The following DIPK2B variants were observed in gnomAD, a reference collection of about 807,000 sequenced individuals.
DIPK2B encodes the protein UPF0672 protein CXorf36.
Under a neutral mutation model 22.2 loss-of-function variants are expected in DIPK2B, and 15 were observed. The observed-to-expected ratio is 0.68, with a 90% confidence interval of 0.45 to 1.04. DIPK2B has a LOEUF of 1.04. DIPK2B is among the 50% of genes least tolerant of loss of function. The pLI, the probability that DIPK2B is intolerant of heterozygous loss-of-function variation, is 0.00. For synonymous variants in DIPK2B, 163 were observed against 153.2 expected, an observed-to-expected ratio of 1.06 and a Z score of -0.47; for missense variants, 345 against 348.3, an observed-to-expected ratio of 0.99 and a Z score of 0.08.
At chrX:45,178,572 G>C (rs1371701097) in intron 2 of DIPK2B, among the ~76,000 whole-genome samples, 4 of 111,655 alleles carry the variant, frequency 3.6e-5, no homozygotes, top group Non-Finnish European at 7.5e-5. Context: ...CTTTTTCCCT[G>C]AGAGCATTTT....
rs1460318852 is a variant in DIPK2B, at chrX:45,191,871, G to A, written c.378C>T (p.Asp126=). Residue 126 remains aspartate, a synonymous_variant, in exon 2 of 5, where the codon GAC becomes GAT. Transcript: ENST00000398000. ...LVSKYQNEIS[D]RRICASASAP... Reference sequence around the variant, plus strand: ...CTGATGCAGAGGCACAGATTCTCCTGTCTGAGATCTCGTTTTGATATTTGC... The same window carrying A: ...CTGATGCAGAGGCACAGATTCTCCTATCTGAGATCTCGTTTTGATATTTGC... 5.8e-6 allele frequency: 7 copies of A among 1,210,517 alleles called. No homozygotes were observed. Among genetic ancestry groups the A allele is most frequent in the Non-Finnish European group, 7.8e-6 (7 of 895,342 alleles).
At chrX:45,167,852 G>A (rs2047057387) in intron 2 of DIPK2B, among the ~76,000 whole-genome samples, 1 of 111,853 alleles carries the variant, frequency 8.9e-6, no homozygotes, top group Non-Finnish European at 1.9e-5. Flanking sequence ...GCCTGGCTAA[G>A]TTTTGTATTT....
chrX:45,169,522 G>C (rs1437452352), intron 2 of DIPK2B, among the ~76,000 whole-genome samples: 3 of 111,186 alleles, frequency 2.7e-5, no homozygotes, highest in Non-Finnish European at 3.8e-5. Flanking sequence ...CCTCCAGCTG[G>C]CCCAGGCTGG....
chrX:45,155,383 A>AC (rs2046987622), intron 3 of DIPK2B, among the ~76,000 whole-genome samples: 1 of 108,082 alleles, frequency 9.3e-6, no homozygotes, highest in Non-Finnish European at 1.9e-5. Flanking sequence ...AGATCGTGCC[A>AC]CTGCATTCCA....
intron 3 of DIPK2B, 135 bp from the exon 4 acceptor site, chrX:45,154,333 C>A (rs375190460): frequency 1.9e-6 from 1 of 539,040 alleles, no homozygotes; most frequent in African/African-American, 2.5e-5. Context: ...CTATCTATAT[C>A]AATCATCTAT....
rs1004434877 is a variant in DIPK2B at position 45,183,911 on chromosome X, T to A, written c.498+7840A>T. Reference sequence around the variant, plus strand: ...AGAGGACTAAGACATAGATAAAAATTGTGTTCATCAAAACTGAGAATAATA... The same window carrying A: ...AGAGGACTAAGACATAGATAAAAATAGTGTTCATCAAAACTGAGAATAATA... On this transcript the variant is annotated intron_variant, in intron 2 of 4. Transcript: ENST00000398000. Among the ~76,000 whole-genome samples, 132 of 111,982 alleles carry A rather than the reference T, an allele frequency of 1.2e-3. 1 individual carries two copies. The highest frequency in any genetic ancestry group is 4.3e-3 in the African/African-American group (132 of 30,771).
chrX:45,153,858 GTCACC>G lies in DIPK2B; in HGVS notation c.961+47_961+51del. The G allele has an allele frequency of 3.5e-6, 4 of 1,135,231 alleles. No individual in the cohort carries two copies. The South Asian group carries it at 7.9e-5, about 23-fold the overall frequency. The allele number at this position is 1,135,231 out of a possible 1,213,427, so 93.6% of individuals were successfully genotyped here. ...CCCTGGCCACCCCTCCCTAGCTCCTGTCACCCTGACTTTCCCTCTGACAGCTGCTC... is the reference window on the plus strand; with the variant it reads ...CCCTGGCCACCCCTCCCTAGCTCCTGCTGACTTTCCCTCTGACAGCTGCTC... On this transcript the variant is annotated intron_variant, in intron 4 of 4. Transcript: ENST00000398000.
chrX:45,178,558 C>T (rs2047131681), intron 2 of DIPK2B, among the ~76,000 whole-genome samples: 1 of 111,818 alleles, frequency 8.9e-6, no homozygotes, highest in Admixed American at 9.5e-5. Context: ...CATATTCACA[C>T]TATCTTTTTC....
intron 2 of DIPK2B, among the ~76,000 whole-genome samples, chrX:45,170,882 T>G (rs1259528996): frequency 8.9e-6 from 1 of 112,472 alleles, no homozygotes; most frequent in Admixed American, 9.4e-5. Flanking sequence ...TTGCATGTGG[T>G]ACCTTGCTTA....
chrX:45,169,784 T>C (rs1293145001), intron 2 of DIPK2B, among the ~76,000 whole-genome samples: 1 of 112,266 alleles, frequency 8.9e-6, no homozygotes, highest in African/African-American at 3.2e-5. Context: ...CACAGGACAG[T>C]CTTGAAATGT....
chrX:45,171,473 G>C (rs972180615), intron 2 of DIPK2B, among the ~76,000 whole-genome samples: 2 of 111,215 alleles, frequency 1.8e-5, no homozygotes, highest in Non-Finnish European at 3.8e-5. Context: ...GGATTCTGGT[G>C]CCTGCTCAAG....
At chrX:45,180,732 G>A (rs1603110895) in intron 2 of DIPK2B, among the ~76,000 whole-genome samples, 2 of 111,607 alleles carry the variant, frequency 1.8e-5, no homozygotes, top group South Asian at 3.7e-4. Context: ...GACCTCCAGT[G>A]GATGCCTGAA....
chrX:45,164,343 T>G (rs2047037010), intron 2 of DIPK2B: 1 of 939,523 alleles, frequency 1.1e-6, no homozygotes. Context: ...TAAATGCAAA[T>G]GGCAGATAGC....
chrX:45,167,298 C>G (rs778885893), intron 2 of DIPK2B, among the ~76,000 whole-genome samples: 16 of 110,136 alleles, frequency 1.5e-4, no homozygotes, highest in Non-Finnish European at 2.7e-4. Context: ...CCAGACAAGT[C>G]TGGGCAACAT....
chrX:45,163,488 G>T (rs1408625389), intron 2 of DIPK2B: 1 of 752,379 alleles, frequency 1.3e-6, no homozygotes, highest in Non-Finnish European at 1.6e-6. Flanking sequence ...CTGAATAGAG[G>T]AGAAGTAGCT....
chrX:45,197,404 A>G (rs2047245152), intron 1 of DIPK2B, among the ~76,000 whole-genome samples: 1 of 111,422 alleles, frequency 9.0e-6, no homozygotes, highest in South Asian at 3.7e-4. Context: ...TGTCCGGCTA[A>G]TTTTTGTATT....
At chrX:45,191,204 T>TGGGTGGGAGGCTGTC (rs1402395081) in intron 2 of DIPK2B, among the ~76,000 whole-genome samples, 2 of 111,442 alleles carry the variant, frequency 1.8e-5, no homozygotes, top group Non-Finnish European at 3.8e-5. Flanking sequence ...CCCATGGGAG[T>TGGGTGGGAGGCTGTC]GGGTGGGAGG....
Position 45,150,340 on chromosome X carries a change from T to C in DIPK2B, c.*1312A>G, listed in dbSNP as rs914599904. 3.6e-5 allele frequency: 4 copies of C among 112,183 alleles called. No homozygotes were observed. The highest frequency in any genetic ancestry group is 1.3e-4 in the African/African-American group (4 of 30,844). The allele number at this position is 112,183 out of a possible 1,213,427, so 9.2% of individuals were successfully genotyped here. A position where few individuals can be genotyped will look rare whatever the true frequency, so the allele number is the denominator to read the frequency against. On this transcript the variant is annotated 3_prime_UTR_variant, in exon 5 of 5. Coordinates refer to ENST00000398000, the MANE Select transcript of DIPK2B (RefSeq NM_176819.4). ...GCAAGAGTGTACATGGAAGCCTACA[T>C]ACCATGTGGCTAAATATTTAAAAAG... is the stretch of plus-strand genomic sequence containing the variant.
At chrX:45,197,694 G>A (rs1434213072) in intron 1 of DIPK2B, among the ~76,000 whole-genome samples, 2 of 112,134 alleles carry the variant, frequency 1.8e-5, no homozygotes, top group African/African-American at 6.5e-5. Context: ...GTTCAACTCA[G>A]AAGAAATTCA....
Sources: allele counts gnomAD v4.1 joint callset (sites outside exome capture counted in the v4.1 genomes callset), GRCh38; gene constraint gnomAD v4.1.1; transcripts MANE v1.5; gene names NCBI Gene and HGNC (gene_info 2026-07-23, HGNC 2026-07-21).